UNC5C: variants seen among roughly 807,000 people sequenced by gnomAD.
UNC5C encodes the protein netrin receptor UNC5C.
Under a neutral mutation model 99.8 loss-of-function variants are expected in UNC5C, and 47 were observed. That is an observed-to-expected ratio of 0.47 (90% CI 0.37 to 0.60). The LOEUF (loss-of-function observed/expected upper bound fraction) is 0.60. Among genes scored for constraint, UNC5C ranks in the 20% least tolerant of loss-of-function variants. The probability of loss-of-function intolerance (pLI) is 0.00; values close to 1 mark genes in which losing one functional copy is unlikely to be tolerated. For missense variants in UNC5C, 1,062 were observed against 1,165.9 expected (o/e 0.91, Z 1.30); for synonymous variants, 487 against 452.2 (o/e 1.08, Z -0.98).
At chr4:95,194,125 A>G (rs1430341626) in intron 12 of UNC5C, among the ~76,000 whole-genome samples, 1 of 152,082 alleles carries the variant, frequency 6.6e-6, no homozygotes, top group African/African-American at 2.4e-5. Context: ...CAGCCTGCAC[A>G]GTCAGGGCAG....
In UNC5C at chr4:95,187,770, C is replaced by T. The variant is rs550370517; in HGVS notation, c.2137-2574G>A. Among the ~76,000 whole-genome samples the T allele has an allele frequency of 2.6e-5, 4 of 152,276 alleles. No individual in the cohort carries two copies. In the South Asian group the frequency reaches 6.2e-4, roughly 24 times the overall value. On this transcript the variant is annotated intron_variant, in intron 12 of 15. Coordinates refer to ENST00000453304, the MANE Select transcript of UNC5C (RefSeq NM_003728.4). The stretch of plus-strand genomic sequence containing the variant: ...TTTTAAAGACAGTGGGGCCACAGAA[C>T]ACACTCCTTCCATAGACTTAAGCTC...
chr4:95,288,094 A>T (rs1391693038), intron 3 of UNC5C, among the ~76,000 whole-genome samples: 2 of 151,160 alleles, frequency 1.3e-5, no homozygotes, highest in Admixed American at 6.6e-5. Context: ...TTATTTATTT[A>T]TTTTTTGAGA....
chr4:95,248,668 A>G (rs1739587272), intron 5 of UNC5C: 1 of 431,682 alleles, frequency 2.3e-6, no homozygotes, highest in African/African-American at 2.0e-5. Context: ...TGGGGTGACA[A>G]ATTCTTAACT....
intron 1 of UNC5C, among the ~76,000 whole-genome samples, chr4:95,357,522 C>T (rs1560802515): frequency 6.6e-6 from 1 of 152,020 alleles, no homozygotes; most frequent in Non-Finnish European, 1.5e-5. Context: ...TTGTCTCATG[C>T]CTGTAATCCC....
At chr4:95,403,122 A>G (rs1463243970) in intron 1 of UNC5C, among the ~76,000 whole-genome samples, 2 of 152,192 alleles carry the variant, frequency 1.3e-5, no homozygotes, top group Admixed American at 1.3e-4. Context: ...AGAACAAGGA[A>G]TAAGTGTGGT....
intron 1 of UNC5C, among the ~76,000 whole-genome samples, chr4:95,336,056 A>G (rs2149421376): frequency 6.6e-6 from 1 of 152,026 alleles, no homozygotes; most frequent in East Asian, 1.9e-4. Flanking sequence ...AAGCTTACAC[A>G]CTTTGCAAGG....
At chr4:95,383,237 T>A (rs1400422434) in intron 1 of UNC5C, among the ~76,000 whole-genome samples, 1 of 150,930 alleles carries the variant, frequency 6.6e-6, no homozygotes, top group African/African-American at 2.4e-5. Flanking sequence ...ATCAGTTATC[T>A]GAGAAATATA....
At chr4:95,176,482 G>C (rs929381589) in intron 14 of UNC5C, among the ~76,000 whole-genome samples, 2 of 152,108 alleles carry the variant, frequency 1.3e-5, no homozygotes, top group African/African-American at 4.8e-5. Flanking sequence ...TCAGCTGCAG[G>C]TCTGTTGGAA....
intron 3 of UNC5C, among the ~76,000 whole-genome samples, chr4:95,290,700 T>C (rs6843825): frequency 0.66 from 100,946 of 152,132 alleles, 34,524 homozygotes; most frequent in African/African-American, 0.84. Context: ...ATAATAAATG[T>C]TGGCTACTAG....
chr4:95,466,400 C>A (rs1168233951), intron 1 of UNC5C, among the ~76,000 whole-genome samples: 2 of 152,178 alleles, frequency 1.3e-5, no homozygotes, highest in Non-Finnish European at 2.9e-5. Flanking sequence ...ACTTCACATA[C>A]ATTTGGACAG....
At chr4:95,310,445 C>T (rs900251420) in intron 2 of UNC5C, among the ~76,000 whole-genome samples, 2 of 151,590 alleles carry the variant, frequency 1.3e-5, no homozygotes, top group South Asian at 2.1e-4. Flanking sequence ...TAAGTGTTCT[C>T]ATTACAAAAA....
chr4:95,470,628 C>T (rs550671816), intron 1 of UNC5C, among the ~76,000 whole-genome samples: 6 of 152,096 alleles, frequency 3.9e-5, no homozygotes, highest in South Asian at 2.1e-4. Flanking sequence ...TAAACTTAAG[C>T]GTGAACAAAG....
At chr4:95,263,744 C>T (rs909831846) in intron 4 of UNC5C, among the ~76,000 whole-genome samples, 6 of 152,276 alleles carry the variant, frequency 3.9e-5, no homozygotes, top group South Asian at 4.2e-4. Context: ...TAATATCTGT[C>T]CTAACTTCCT....
chr4:95,517,221 C>T (rs1409848080), intron 1 of UNC5C, among the ~76,000 whole-genome samples: 1 of 152,148 alleles, frequency 6.6e-6, no homozygotes, highest in East Asian at 1.9e-4. Flanking sequence ...TCTTATTCCT[C>T]AAATCCAACT....
intron 12 of UNC5C, among the ~76,000 whole-genome samples, chr4:95,191,062 C>T (rs576272394): frequency 2.0e-5 from 3 of 152,308 alleles, no homozygotes; most frequent in Admixed American, 2.0e-4. Context: ...CCTCTGGCCT[C>T]TACCCAGAAT....
In UNC5C at chr4:95,483,412, C is replaced by T. The variant is rs550980117; in HGVS notation, c.124+65322G>A. On this transcript the variant is annotated intron_variant, in intron 1 of 15. Transcript: ENST00000453304. ...ATAGAAATGTGTACATATATAATAA[C>T]GTGTATATATTTTCATCTGCTTTTC... Among the ~76,000 whole-genome samples the T allele has an allele frequency of 1.3e-4, 20 of 151,664 alleles. No individual in the cohort carries two copies. The East Asian group carries it at 3.1e-3, about 24-fold the overall frequency.
At chr4:95,255,531 T>C (rs1198285642) in intron 4 of UNC5C, among the ~76,000 whole-genome samples, 1 of 152,098 alleles carries the variant, frequency 6.6e-6, no homozygotes, top group South Asian at 2.1e-4. Context: ...TCACAAGACA[T>C]CTTCCAGGGC....
rs1195756746 is a variant in UNC5C at position 95,202,852 on chromosome 4, T to A, written c.2015A>T (p.His672Leu). The change falls in exon 12 of 16, where the codon CAT (histidine) becomes CTT (leucine). Residue 672 changes from histidine (H) to leucine (L), a missense_variant. By Grantham distance (99) the His-to-Leu change is moderately conservative. Around this residue, in one of 3 missense-constraint regions of UNC5C, gnomAD observed 810 missense variants for 854.5 expected, o/e 0.95. Coordinates refer to ENST00000453304, the MANE Select transcript of UNC5C (RefSeq NM_003728.4). ...CTTCGCAGCCGCTTTGGTGGTGGAA[T>A]GTCCTACCAGGGCGTAGGTGCTGAG... ...ENLSTYALVGHSTTKAAAKRL... is the reference protein window; with the variant it reads ...ENLSTYALVGLSTTKAAAKRL... The A allele has an allele frequency of 6.2e-7, 1 of 1,614,110 alleles. No homozygotes were observed. Among genetic ancestry groups the A allele is most frequent in the Non-Finnish European group, 8.5e-7 (1 of 1,180,042 alleles).
chr4:95,400,384 C>CTTTTTTT (rs1171870515), intron 1 of UNC5C, among the ~76,000 whole-genome samples: 728 of 65,788 alleles, frequency 0.011, 109 homozygotes, highest in African/African-American at 0.041. Flanking sequence ...GAGATGAATT[C>CTTTTTTT]TTTTTTTTTT....
Sources: allele counts gnomAD v4.1 joint callset (sites outside exome capture counted in the v4.1 genomes callset), GRCh38; gene constraint gnomAD v4.1.1; regional missense constraint gnomAD v4.1.1; transcripts MANE v1.5; gene names NCBI Gene and HGNC (gene_info 2026-07-23, HGNC 2026-07-21).